The following MERTK variants were observed in gnomAD, a reference collection of about 807,000 sequenced individuals.
The protein encoded by MERTK is tyrosine-protein kinase Mer.
A neutral mutation model predicts 99.3 loss-of-function variants in MERTK; 69 were observed. That is an observed-to-expected ratio of 0.70 (90% confidence interval 0.57 to 0.85). The LOEUF is 0.85. MERTK is among the 40% of genes least tolerant of loss of function. The pLI is 0.00. For missense variants in MERTK, 1,125 were observed against 1,249.4 expected (o/e 0.90, Z 1.50); for synonymous variants, 426 against 467.6 (o/e 0.91, Z 1.15).
chr2:112,009,747 A>T (rs1677055711), intron 14 of MERTK, among the ~76,000 whole-genome samples: 1 of 152,188 alleles, frequency 6.6e-6, no homozygotes, highest in Non-Finnish European at 1.5e-5. Flanking sequence ...TGCCCTCATT[A>T]ATCTGAAAGG....
At chr2:111,940,332 T>C in intron 2 of MERTK, 2 of 492,990 alleles carry the variant, frequency 4.1e-6, no homozygotes, top group Non-Finnish European at 8.0e-6. Context: ...GCCTGTGGTC[T>C]GTCCTTGCAT....
chr2:111,985,702 C>T (rs1174676197), intron 8 of MERTK, among the ~76,000 whole-genome samples: 1 of 152,022 alleles, frequency 6.6e-6, no homozygotes, highest in Non-Finnish European at 1.5e-5. Context: ...AGGGGAACTC[C>T]CCTTTATAAA....
At chr2:111,940,611 C>G (rs1287239058) in intron 2 of MERTK, 1 of 660,826 alleles carries the variant, frequency 1.5e-6, no homozygotes, top group Non-Finnish European at 2.9e-6. Context: ...GACATTGAAC[C>G]TGAAGCAGGT....
In MERTK at chr2:112,003,969, G is replaced by T. The variant is rs747249391; in HGVS notation, c.1852G>T (p.Val618Leu). The T allele has an allele frequency of 3.2e-5, 51 of 1,613,188 alleles. No homozygotes were observed. In the Admixed American group the frequency reaches 8.3e-4, roughly 26 times the overall value. The part of the protein sequence containing the change: ...QEDGTSLKVA[V>L]KTMKLDNSSQ... Reference sequence around the variant, plus strand: ...AGATGGGACCTCTCTGAAAGTGGCAGTGAAGACCATGAAGTGTGAGTTATC... The same window carrying T: ...AGATGGGACCTCTCTGAAAGTGGCATTGAAGACCATGAAGTGTGAGTTATC... The change falls in exon 13 of 19, where the codon GTG (valine) becomes TTG (leucine). Residue 618 changes from valine (V) to leucine (L), a missense_variant. Coordinates refer to ENST00000295408, the MANE Select transcript of MERTK (RefSeq NM_006343.3).
intron 1 of MERTK, among the ~76,000 whole-genome samples, chr2:111,910,970 A>G (rs1424928005): frequency 1.3e-5 from 2 of 152,188 alleles, no homozygotes; most frequent in African/African-American, 2.4e-5. Flanking sequence ...AATGTGCTCC[A>G]TAGATATGTA....
chr2:111,991,592 C>A (rs545666259), intron 8 of MERTK, among the ~76,000 whole-genome samples: 5 of 152,018 alleles, frequency 3.3e-5, no homozygotes, highest in Non-Finnish European at 5.9e-5. Context: ...TTAATTTGTT[C>A]ACTTAATTAA....
chr2:111,965,218 G>T lies in MERTK; in HGVS notation c.785G>T (p.Cys262Phe), dbSNP rs1685337610. The change falls in exon 5 of 19, where the codon TGT (cysteine) becomes TTT (phenylalanine). Residue 262 changes from cysteine (C) to phenylalanine (F), a missense_variant. Transcript: ENST00000295408. ...PGLTEMAVFS[C>F]EAHNDKGLTV... is the part of the protein sequence containing the mutation. ...CTGACGGAGATGGCGGTCTTCAGTT[G>T]TGAGGCCCACAATGACAAAGGGCTG... 1.9e-6 allele frequency: 3 copies of T among 1,614,068 alleles called. No individual in the cohort carries two copies. The highest frequency in any genetic ancestry group is 2.5e-6 in the Non-Finnish European group (3 of 1,180,034).
intron 15 of MERTK, among the ~76,000 whole-genome samples, chr2:112,018,868 A>G (rs1053507617): frequency 9.2e-5 from 14 of 152,196 alleles, no homozygotes; most frequent in African/African-American, 3.4e-4. Flanking sequence ...TGGTCCTGTG[A>G]TAATTGGTGA....
chr2:111,935,432 T>TG (rs549761183), intron 2 of MERTK, among the ~76,000 whole-genome samples: 1 of 152,150 alleles, frequency 6.6e-6, no homozygotes, highest in Non-Finnish European at 1.5e-5. Flanking sequence ...GCACCAGGAC[T>TG]GGGGGAGGTA....
At chr2:112,005,101 T>C (rs1346272013) in intron 13 of MERTK, among the ~76,000 whole-genome samples, 1 of 152,070 alleles carries the variant, frequency 6.6e-6, no homozygotes, top group Non-Finnish European at 1.5e-5. Flanking sequence ...GGAGTCTCAC[T>C]GTGTCACACA....
chr2:111,904,700 A>G (rs139695900), intron 1 of MERTK, among the ~76,000 whole-genome samples: 16 of 152,248 alleles, frequency 1.1e-4, no homozygotes, highest in African/African-American at 2.6e-4. Context: ...TTTTTACCAC[A>G]TCGAGCTAGG....
intron 12 of MERTK, among the ~76,000 whole-genome samples, 172 bp from the exon 13 acceptor site, chr2:112,003,732 C>T (rs747392763): frequency 1.3e-5 from 2 of 152,182 alleles, no homozygotes; most frequent in African/African-American, 2.4e-5. Flanking sequence ...GAGACTAGAG[C>T]GTGGCGCATC....
intron 1 of MERTK, among the ~76,000 whole-genome samples, chr2:111,925,290 ATATTT>A (rs1348530497): frequency 1.3e-4 from 4 of 31,508 alleles, no homozygotes; most frequent in East Asian, 9.2e-4. Context: ...ATATATATAT[ATATTT>A]TTTTTTTTTT....
At chr2:111,899,776 A>G (rs983756585) in intron 1 of MERTK, among the ~76,000 whole-genome samples, 5 of 152,054 alleles carry the variant, frequency 3.3e-5, no homozygotes, top group African/African-American at 1.2e-4. Flanking sequence ...TTGGCCTCCC[A>G]AAGTTCTGGG....
intron 8 of MERTK, among the ~76,000 whole-genome samples, chr2:111,985,784 C>T (rs1176619258): frequency 6.6e-6 from 1 of 152,098 alleles, no homozygotes; most frequent in Non-Finnish European, 1.5e-5. Context: ...ACTCAATTAC[C>T]TCCCACCAGG....
intron 1 of MERTK, among the ~76,000 whole-genome samples, chr2:111,899,561 A>C (rs1684004117): frequency 6.6e-6 from 1 of 151,422 alleles, no homozygotes; most frequent in Admixed American, 6.6e-5. Context: ...CCTGTCGCCC[A>C]GGCTGGAGTG....
chr2:111,964,904 G>A (rs1232021830), intron 4 of MERTK, among the ~76,000 whole-genome samples: 2 of 152,140 alleles, frequency 1.3e-5, no homozygotes, highest in African/African-American at 2.4e-5. Context: ...CTAGCGATTT[G>A]CAGTAAAAAT....
intron 1 of MERTK, among the ~76,000 whole-genome samples, chr2:111,899,117 T>G (rs1388571781): frequency 6.6e-6 from 1 of 152,166 alleles, no homozygotes; most frequent in African/African-American, 2.4e-5. Flanking sequence ...CTGCAAGTCC[T>G]GAAGTTCCGA....
intron 16 of MERTK, 149 bp from the exon 17 acceptor site, chr2:112,021,273 T>G: frequency 8.8e-7 from 1 of 1,130,208 alleles, no homozygotes; most frequent in Non-Finnish European, 1.3e-6. Flanking sequence ...TGCTCTGCCA[T>G]TGGTCCCAAT....
Sources: gnomAD v4.1 joint callset for allele counts (sites outside exome capture counted in the v4.1 genomes callset) on GRCh38, gnomAD v4.1.1 for gene constraint, MANE v1.5 for transcripts, NCBI Gene and HGNC (gene_info 2026-07-23, HGNC 2026-07-21) for gene names.